Variants in DDX60L observed in about 807,000 individuals in gnomAD.
DDX60L encodes the protein probable ATP-dependent RNA helicase DDX60-like.
DDX60L carries 191 observed loss-of-function variants against 211.6 expected under a neutral mutation model. The observed-to-expected ratio is 0.90, with a 90% confidence interval of 0.80 to 1.02. The LOEUF (loss-of-function observed/expected upper bound fraction) is 1.02, where lower values mean the gene tolerates loss of function less well. Among genes scored for constraint, DDX60L ranks in the 50% least tolerant of loss-of-function variants. DDX60L has a pLI of 0.00. For missense variants in DDX60L, 2,007 were observed against 1,984.1 expected (o/e 1.01, Z -0.22); for synonymous variants, 706 against 694.1 (o/e 1.02, Z -0.27).
At chr4:168,455,290 G>C (rs1756393152) in intron 7 of DDX60L, among the ~76,000 whole-genome samples, 2 of 151,460 alleles carry the variant, frequency 1.3e-5, no homozygotes, top group Admixed American at 6.6e-5. Context: ...GTGTGTGTGT[G>C]TGTGTGTGTG....
At chr4:168,398,014 C>T (rs1376691183) in intron 26 of DDX60L, among the ~76,000 whole-genome samples, 4 of 151,936 alleles carry the variant, frequency 2.6e-5, no homozygotes, top group African/African-American at 9.7e-5. Context: ...AGACCCGGGC[C>T]TCCCCGTGCA....
At chr4:168,388,422 T>C (rs1744250117) in intron 29 of DDX60L, among the ~76,000 whole-genome samples, 1 of 152,168 alleles carries the variant, frequency 6.6e-6, no homozygotes, top group African/African-American at 2.4e-5. Context: ...TAAATATATA[T>C]ATTTTTAAAA....
intron 9 of DDX60L, among the ~76,000 whole-genome samples, chr4:168,442,872 T>C (rs369685660): frequency 6.6e-6 from 1 of 150,912 alleles, no homozygotes; most frequent in African/African-American, 2.4e-5. Context: ...CAAAAACCCA[T>C]CTGTACATCA....
rs1750820269 is a variant in DDX60L, at chr4:168,422,654, T to C, written c.2114A>G (p.Asn705Ser). 1 of 1,601,444 alleles carries C rather than the reference T, an allele frequency of 6.2e-7. No individual in the cohort carries two copies. The highest frequency in any genetic ancestry group is 1.3e-5 in the African/African-American group (1 of 74,782). Reference sequence around the variant, plus strand: ...AATGTCAATCGAATATTTCTTCTTATTTTTGTCATCTCCTATCTGTTATTT... The same window carrying C: ...AATGTCAATCGAATATTTCTTCTTACTTTTGTCATCTCCTATCTGTTATTT... ...LDPTLIGDDK[N>S]KKKYSIDIGP... is the part of the protein sequence containing the mutation. The change falls in exon 16 of 38, where the codon AAT becomes AGT. Residue 705 changes from asparagine (N) to serine (S), a missense_variant. Coordinates refer to ENST00000682922, the MANE Select transcript of DDX60L (RefSeq NM_001012967.3).
intron 12 of DDX60L, 123 bp downstream of exon 12, chr4:168,432,323 TTATATATAA>T (rs1184066216): frequency 9.6e-6 from 2 of 207,258 alleles, no homozygotes; most frequent in Non-Finnish European, 1.9e-5. Context: ...AAAATATATA[TTATATATAA>T]TATATAGATA....
At position 168,437,093 on chromosome 4, in the gene DDX60L, G is replaced by C. The variant is rs538298001; in HGVS notation, c.1295-3978C>G. Among the ~76,000 whole-genome samples, 12 of 152,310 alleles carry C rather than the reference G, an allele frequency of 7.9e-5. No individual in the cohort carries two copies. The South Asian group carries it at 1.9e-3, about 24-fold the overall frequency. On this transcript the variant is annotated intron_variant, in intron 10 of 37. Transcript: ENST00000682922. Reference sequence around the variant, plus strand: ...AAACTACAACAACCCAATGCAAACAGTACTCTATGGGTCCAGACCCTTAAG... The same window carrying C: ...AAACTACAACAACCCAATGCAAACACTACTCTATGGGTCCAGACCCTTAAG...
intron 25 of DDX60L, among the ~76,000 whole-genome samples, chr4:168,401,561 G>A (rs866949665): frequency 2.0e-5 from 3 of 152,128 alleles, no homozygotes; most frequent in East Asian, 1.9e-4. Context: ...TATTTGGCTC[G>A]GAATAAATCT....
Position 168,357,345 on chromosome 4 carries a change from C to T in DDX60L, c.*802G>A, listed in dbSNP as rs944526973. ...TTTTAGTCAATTCAGACTGCTTCAA[C>T]AGAAAACCACAGACTAGATGGCTAA... On this transcript the variant is annotated 3_prime_UTR_variant, in exon 38 of 38. Coordinates refer to ENST00000682922, the MANE Select transcript of DDX60L (RefSeq NM_001012967.3). The T allele has an allele frequency of 2.0e-5, 3 of 152,190 alleles. No homozygotes were observed. The highest frequency in any genetic ancestry group is 2.1e-4 in the South Asian group (1 of 4,828). The allele number at this position is 152,190 out of a possible 1,614,324, so 9.4% of individuals were successfully genotyped here. A position where few individuals can be genotyped will look rare whatever the true frequency, so the allele number is the denominator to read the frequency against.
intron 1 of DDX60L, among the ~76,000 whole-genome samples, chr4:168,476,988 T>C (rs369437365): frequency 2.0e-5 from 3 of 152,366 alleles, no homozygotes; most frequent in East Asian, 3.9e-4. Context: ...TTGGGCCGAC[T>C]GGCCAGGAAA....
chr4:168,426,747 C>G (rs1220865602), intron 14 of DDX60L, among the ~76,000 whole-genome samples: 1 of 152,152 alleles, frequency 6.6e-6, no homozygotes, highest in Non-Finnish European at 1.5e-5. Context: ...TCTGATAGGC[C>G]CTGTTGCTGC....
chr4:168,397,379 T>A (rs770810865), intron 26 of DDX60L, among the ~76,000 whole-genome samples: 2 of 152,168 alleles, frequency 1.3e-5, no homozygotes, highest in African/African-American at 4.8e-5. Flanking sequence ...AATAAAGATA[T>A]GGAAACAACT....
At chr4:168,460,151 C>A (rs1017830318) in intron 5 of DDX60L, among the ~76,000 whole-genome samples, 1 of 152,178 alleles carries the variant, frequency 6.6e-6, no homozygotes, top group Non-Finnish European at 1.5e-5. Context: ...GAATGGCCTG[C>A]ATCATCAGAA....
At chr4:168,401,275 G>T (rs1264597330) in intron 25 of DDX60L, among the ~76,000 whole-genome samples, 1 of 152,146 alleles carries the variant, frequency 6.6e-6, no homozygotes, top group Non-Finnish European at 1.5e-5. Context: ...GTAAAACTCT[G>T]GTCTCCACAA....
chr4:168,420,465 C>A (rs1211482926), intron 17 of DDX60L, 85 bp from the exon 18 acceptor site: 1 of 2,794 alleles, frequency 3.6e-4, no homozygotes. Context: ...CATACACATA[C>A]ACACACACAC....
Position 168,416,707 on chromosome 4 carries a change from T to C in DDX60L, c.2701A>G (p.Ile901Val), listed in dbSNP as rs1749626478. The change falls in exon 20 of 38, where the codon ATA becomes GTA. Residue 901 changes from isoleucine to valine, a missense_variant. Ile to Val is a conservative substitution (Grantham distance 29). Transcript: ENST00000682922. ...TTGGTGAGAAGATTTGGGTTATTTA[T>C]GGTAGCTGAAAGAACCAAAAAGGGA... is the stretch of plus-strand genomic sequence containing the variant. ...RCPFLVLSAT[I>V]NNPNLLTKWL... is the part of the protein sequence containing the mutation. The C allele has an allele frequency of 3.7e-6, 6 of 1,601,248 alleles. No homozygotes were observed. Among genetic ancestry groups the C allele is most frequent in the Admixed American group, 1.8e-5 (1 of 57,104 alleles).
chr4:168,432,637 T>A, intron 11 of DDX60L, 67 bp from the exon 12 acceptor site: 1 of 903,548 alleles, frequency 1.1e-6, no homozygotes, highest in South Asian at 2.1e-5. Flanking sequence ...AACTTCAGGC[T>A]GTGATAACAG....
In DDX60L at chr4:168,422,671, C is replaced by G. The variant is rs777775763; in HGVS notation, c.2098-1G>C. On this transcript the variant is annotated splice_acceptor_variant, in intron 15 of 37. Coordinates refer to ENST00000682922, the MANE Select transcript of DDX60L (RefSeq NM_001012967.3). LOFTEE classifies it high-confidence loss of function. The stretch of plus-strand genomic sequence containing the variant: ...TCTTCTTATTTTTGTCATCTCCTAT[C>G]TGTTATTTTAATATATTATTTGAAA... 1.3e-6 allele frequency: 2 copies of G among 1,565,332 alleles called. No homozygotes were observed. Among genetic ancestry groups the G allele is most frequent in the Non-Finnish European group, 1.7e-6 (2 of 1,154,736 alleles).
chr4:168,437,712 G>C (rs1753241677), intron 10 of DDX60L, among the ~76,000 whole-genome samples: 3 of 152,164 alleles, frequency 2.0e-5, no homozygotes, highest in African/African-American at 7.2e-5. Context: ...CTAAGGCCAT[G>C]CCAGTCAAAG....
chr4:168,430,692 T>C (rs1205350666), intron 12 of DDX60L, 54 bp from the exon 13 acceptor site: 6 of 1,343,142 alleles, frequency 4.5e-6, no homozygotes, highest in South Asian at 1.6e-5. Flanking sequence ...TTGCTATATA[T>C]GTGTGCTACC....
Sources: allele counts gnomAD v4.1 joint callset (sites outside exome capture counted in the v4.1 genomes callset), GRCh38; gene constraint gnomAD v4.1.1; transcripts MANE v1.5; gene names NCBI Gene and HGNC (gene_info 2026-07-23, HGNC 2026-07-21).